Variants in GSN observed in about 807,000 individuals in gnomAD.
GSN encodes the protein gelsolin, also known as actin-depolymerizing factor.
A neutral mutation model predicts 85.7 loss-of-function variants in GSN; 56 were observed. That is an observed-to-expected ratio of 0.65 (90% CI 0.53 to 0.82). The LOEUF (loss-of-function observed/expected upper bound fraction) is 0.82. Ranked by LOEUF, GSN falls within the 40% of genes least tolerant of loss-of-function variation. The probability of loss-of-function intolerance (pLI) is 0.00; values close to 1 mark genes in which losing one functional copy is unlikely to be tolerated. For synonymous variants in GSN, 373 were observed against 399.1 expected, an observed-to-expected ratio of 0.93 and a Z score of 0.78; for missense variants, 857 against 979.8, an observed-to-expected ratio of 0.87 and a Z score of 1.67.
chr9:121,297,980 A>G (rs963034314), intron 2 of GSN: 3 of 151,910 alleles, frequency 2.0e-5, no homozygotes, highest in African/African-American at 7.3e-5. Context: ...TTATAATATC[A>G]TCCTCCAAAT....
Position 121,318,365 on chromosome 9 carries a change from C to T in GSN, c.887-41C>T, listed in dbSNP as rs112116388. 1.7e-3 allele frequency: 2,505 copies of T among 1,487,724 alleles called. 46 individuals carry two copies. In the African/African-American group the frequency reaches 0.029, roughly 17 times the overall value. The allele number at this position is 1,487,724 out of a possible 1,614,324, so 92.2% of individuals were successfully genotyped here. ...TAAAGGTCAGGATGCAGCAGGATCC[C>T]GGGCCTCTAACCCTCCATCACTTCC... On this transcript the variant is annotated intron_variant, in intron 8 of 17. Coordinates refer to ENST00000432226, the MANE Select transcript of GSN (RefSeq NM_198252.3). The surrounding 1 kb of genome is among the most constrained non-coding windows in gnomAD (Gnocchi z 4.3).
intron 4 of GSN, chr9:121,310,422 G>A: frequency 2.0e-6 from 1 of 504,688 alleles, no homozygotes; most frequent in South Asian, 2.1e-5. Context: ...GAAAGATGCA[G>A]TGGGCAGGGA....
In GSN at chr9:121,323,490, C is replaced by T. The variant is rs2062758965; in HGVS notation, c.1326-1064C>T. On this transcript the variant is annotated intron_variant, in intron 11 of 17. Transcript: ENST00000432226. ...GTTCAAGCAATTCTCCTGCCTCAGC[C>T]TCCTGAGTATCTGGGACTACAGGTG... is the stretch of plus-strand genomic sequence containing the variant. Among the ~76,000 whole-genome samples, 3 of 151,426 alleles carry T rather than the reference C, an allele frequency of 2.0e-5. No individual in the cohort carries two copies. The South Asian group carries it at 6.3e-4, about 32-fold the overall frequency.
At chr9:121,265,362 G>A (rs935352481), upstream of GSN, 1 of 152,212 alleles carries the variant, frequency 6.6e-6, no homozygotes, top group Non-Finnish European at 1.5e-5. Context: ...TGAATACGAT[G>A]GAAGATGGCC....
chr9:121,327,155 C>T, intron 13 of GSN, 153 bp from the exon 14 acceptor site: 1 of 778,996 alleles, frequency 1.3e-6, no homozygotes, highest in Non-Finnish European at 2.4e-6. Context: ...CCAAGGCCAT[C>T]AGGGTCCAAA....
chr9:121,274,934 G>A (rs912632717), intron 1 of GSN, among the ~76,000 whole-genome samples: 1 of 152,204 alleles, frequency 6.6e-6, no homozygotes, highest in Non-Finnish European at 1.5e-5. Flanking sequence ...AGGTTCAGAA[G>A]CCTGGCTAAA....
chr9:121,222,230 T>C (rs571063856), intron 4 of GSN: 15 of 152,216 alleles, frequency 9.9e-5, no homozygotes, highest in Non-Finnish European at 2.2e-4. Flanking sequence ...TAAACATTTT[T>C]GTGTTCATTC....
chr9:121,226,959 G>A lies in GSN; in HGVS notation c.-527-4206G>A, dbSNP rs116479327. Among the ~76,000 whole-genome samples the A allele has an allele frequency of 2.9e-3, 439 of 152,302 alleles. 3 individuals are homozygous for A. The highest frequency in any genetic ancestry group is 0.01 in the African/African-American group (422 of 41,556). ...ATGAGGTTCAGTGAGCTTCTGGGTT[G>A]GCCAACACATCTGAGTGCCAGGAGG... On this transcript the variant is annotated intron_variant, in intron 4 of 24. Transcript: ENST00000373823.
chr9:121,307,844 T>TCTTTCTGCGCTTCCCCTGC (rs796128845), intron 4 of GSN, among the ~76,000 whole-genome samples: 204 of 152,296 alleles, frequency 1.3e-3, no homozygotes, highest in African/African-American at 4.4e-3. Context: ...AACCCTCCTG[T>TCTTTCTGCGCTTCCCCTGC]CTTTCTGCGC....
chr9:121,254,014 T>C (rs1039384772), intron 6 of GSN, among the ~76,000 whole-genome samples: 1 of 152,210 alleles, frequency 6.6e-6, no homozygotes, highest in Admixed American at 6.5e-5. Context: ...TCCTCAATAG[T>C]ACTTCCTTCT....
Position 121,310,694 on chromosome 9 carries a change from T to A in GSN, c.362T>A (p.Val121Glu). 6.2e-7 allele frequency: 1 copy of A among 1,614,122 alleles called. No homozygotes were observed. The highest frequency in any genetic ancestry group is 1.1e-5 in the South Asian group (1 of 91,080). ...KSGLKYKKGGVASGFKHVVPN... is the reference protein window; with the variant it reads ...KSGLKYKKGGEASGFKHVVPN... ...TCTTTGGCCCCACAGAAAGGAGGTG[T>A]GGCATCAGGATTCAAGCACGTGGTA... The change falls in exon 5 of 18, where the codon GTG (valine) becomes GAG (glutamate). Residue 121 changes from valine (V) to glutamate (E), a missense_variant. Transcript: ENST00000432226.
chr9:121,297,740 G>A (rs1369730481), intron 2 of GSN: 1 of 152,122 alleles, frequency 6.6e-6, no homozygotes, highest in East Asian at 1.9e-4. Context: ...CTATTGTAAT[G>A]GTGGCTCCAT....
At chr9:121,292,792 T>C (rs996922647) in intron 2 of GSN, among the ~76,000 whole-genome samples, 1 of 152,178 alleles carries the variant, frequency 6.6e-6, no homozygotes, top group African/African-American at 2.4e-5. Flanking sequence ...CCGCAGGCAC[T>C]CCTGGATCCC....
chr9:121,250,511 C>T (rs2054800050), intron 6 of GSN, among the ~76,000 whole-genome samples: 1 of 151,752 alleles, frequency 6.6e-6, no homozygotes, highest in Non-Finnish European at 1.5e-5. Flanking sequence ...CCGATCTTTC[C>T]CTTTTTGGCT....
chr9:121,249,230 G>T (rs1389892260), intron 6 of GSN, among the ~76,000 whole-genome samples: 1 of 151,974 alleles, frequency 6.6e-6, no homozygotes, highest in East Asian at 1.9e-4. Flanking sequence ...AGGGTGAGGC[G>T]AGTGGATCAC....
At chr9:121,304,039 C>T (rs1415182851) in intron 4 of GSN, among the ~76,000 whole-genome samples, 1 of 152,224 alleles carries the variant, frequency 6.6e-6, no homozygotes, top group Non-Finnish European at 1.5e-5. Flanking sequence ...AACCAACATA[C>T]CTCTAATGAC....
intron 4 of GSN, among the ~76,000 whole-genome samples, chr9:121,227,538 C>CCTA (rs1183503327): frequency 1.3e-5 from 2 of 152,006 alleles, no homozygotes; most frequent in Non-Finnish European, 2.9e-5. Flanking sequence ...TAGATGATAA[C>CCTA]CTACTACTTG....
chr9:121,281,696 T>C (rs1564409216), intron 2 of GSN, 134 bp downstream of exon 2: 1 of 471,198 alleles, frequency 2.1e-6, no homozygotes. Flanking sequence ...CCTGAGGTCT[T>C]CCTAATAAGG....
At position 121,318,004 on chromosome 9, in the gene GSN, C is replaced by T; in HGVS notation, c.887-402C>T. The T allele has an allele frequency of 3.5e-6, 1 of 283,230 alleles. No homozygotes were observed. Among genetic ancestry groups the T allele is most frequent in the Non-Finnish European group, 6.9e-6 (1 of 144,638 alleles). The allele number at this position is 283,230 out of a possible 1,614,324, so 17.5% of individuals were successfully genotyped here. A position where few individuals can be genotyped will look rare whatever the true frequency, so the allele number is the denominator to read the frequency against. On this transcript the variant is annotated intron_variant, in intron 8 of 17. Coordinates refer to ENST00000432226, the MANE Select transcript of GSN (RefSeq NM_198252.3). This position sits in a 1 kb window ranked among gnomAD's most constrained non-coding sequence, Gnocchi z 4.3. The stretch of plus-strand genomic sequence containing the variant: ...AGGAGCTCCTTGGCACGGGAATGCC[C>T]TCAGGGTGGCAGCTTCTCACTCACT...
Sources: allele counts gnomAD v4.1 joint callset (sites outside exome capture counted in the v4.1 genomes callset), GRCh38; gene constraint gnomAD v4.1.1; non-coding constraint Gnocchi (gnomAD v3.1); transcripts MANE v1.5; gene names NCBI Gene and HGNC (gene_info 2026-07-23, HGNC 2026-07-21).